The following PTPRG variants were observed in gnomAD, a reference collection of about 807,000 sequenced individuals.
PTPRG encodes protein tyrosine phosphatase receptor type G, also known as receptor-type tyrosine-protein phosphatase gamma.
In PTPRG, 102 loss-of-function variants were observed where a neutral mutation model predicts 165.3. That is an observed-to-expected ratio of 0.62 (90% CI 0.53 to 0.73). The LOEUF (loss-of-function observed/expected upper bound fraction) is 0.73, where lower values mean the gene tolerates loss of function less well. Among genes scored for constraint, PTPRG ranks in the 30% least tolerant of loss-of-function variants. The pLI is 0.00. For missense variants in PTPRG, 1,866 were observed against 1,861.4 expected (o/e 1.00, Z -0.05); for synonymous variants, 675 against 669.5 (o/e 1.01, Z -0.13).
chr3:61,589,110 T>A (rs569120298), intron 1 of PTPRG, among the ~76,000 whole-genome samples: 1 of 151,376 alleles, frequency 6.6e-6, no homozygotes, highest in East Asian at 1.9e-4. Context: ...AAAAATAATA[T>A]TATTTTGAGA....
At chr3:61,938,790 A>G (rs766020330) in intron 2 of PTPRG, among the ~76,000 whole-genome samples, 19 of 152,218 alleles carry the variant, frequency 1.2e-4, no homozygotes, top group Non-Finnish European at 2.5e-4. Flanking sequence ...GGAGAAATTA[A>G]CAGGTACATC....
intron 2 of PTPRG, among the ~76,000 whole-genome samples, chr3:61,776,518 C>G (rs979610532): frequency 1.3e-5 from 2 of 152,060 alleles, no homozygotes; most frequent in African/African-American, 4.8e-5. Flanking sequence ...GACCAGTTCC[C>G]CAGCCTCAGA....
At chr3:61,678,342 G>A (rs1045564976) in intron 1 of PTPRG, among the ~76,000 whole-genome samples, 1 of 152,206 alleles carries the variant, frequency 6.6e-6, no homozygotes, top group Non-Finnish European at 1.5e-5. Flanking sequence ...GTCCAGGGAA[G>A]AAATAGTCAA....
intron 2 of PTPRG, among the ~76,000 whole-genome samples, chr3:61,963,044 C>T (rs2040190189): frequency 6.6e-6 from 1 of 152,058 alleles, no homozygotes; most frequent in South Asian, 2.1e-4. Flanking sequence ...CCACAGGTAA[C>T]CATATTTATT....
rs939567967 is a variant in PTPRG at position 61,671,946 on chromosome 3, G to T, written c.86-76932G>T. Among the ~76,000 whole-genome samples the T allele has an allele frequency of 2.9e-5, 4 of 138,250 alleles. No homozygotes were observed. The East Asian group carries it at 6.8e-4, about 23-fold the overall frequency. 90.7% of individuals were successfully genotyped at this position (138,250 alleles called of 152,430 possible). A position where few individuals can be genotyped will look rare whatever the true frequency, so the allele number is the denominator to read the frequency against. On this transcript the variant is annotated intron_variant, in intron 1 of 29. Coordinates refer to ENST00000474889, the MANE Select transcript of PTPRG (RefSeq NM_002841.4). ...GACGAGGTGGCTGCTGGGCGGAGAT[G>T]CTCCTCACTTCCCAGACGGGGTGGC...
At chr3:62,274,828 C>T (rs746182157) in intron 23 of PTPRG, among the ~76,000 whole-genome samples, 6 of 152,148 alleles carry the variant, frequency 3.9e-5, no homozygotes, top group Non-Finnish European at 8.8e-5. Flanking sequence ...CACAGTGTAT[C>T]ATTTTAAATG....
intron 5 of PTPRG, among the ~76,000 whole-genome samples, chr3:62,119,615 T>C (rs1156986397): frequency 2.0e-5 from 3 of 151,452 alleles, no homozygotes; most frequent in Admixed American, 2.0e-4. Context: ...TTTTTTTTAA[T>C]TTTTTTATTT....
intron 1 of PTPRG, among the ~76,000 whole-genome samples, chr3:61,676,109 G>T (rs1377771668): frequency 6.6e-6 from 1 of 152,030 alleles, no homozygotes; most frequent in Non-Finnish European, 1.5e-5. Context: ...GAAGATACTG[G>T]CTAGTATTTC....
At chr3:62,049,006 G>A (rs958698436) in intron 4 of PTPRG, among the ~76,000 whole-genome samples, 25 of 151,966 alleles carry the variant, frequency 1.6e-4, no homozygotes, top group African/African-American at 5.1e-4. Flanking sequence ...AATATTTTGC[G>A]AATGGAGTCA....
chr3:61,983,970 T>C (rs2040699213), intron 2 of PTPRG, among the ~76,000 whole-genome samples: 1 of 152,208 alleles, frequency 6.6e-6, no homozygotes, highest in South Asian at 2.1e-4. Context: ...TTCTTTGGGC[T>C]AACTCTGCCT....
intron 4 of PTPRG, among the ~76,000 whole-genome samples, chr3:62,027,206 A>G (rs1220559335): frequency 6.6e-6 from 1 of 152,198 alleles, no homozygotes; most frequent in African/African-American, 2.4e-5. Context: ...CAAATGATTT[A>G]AAAATCACTA....
chr3:62,208,573 C>T (rs1700284464), intron 12 of PTPRG, among the ~76,000 whole-genome samples: 1 of 152,090 alleles, frequency 6.6e-6, no homozygotes. Flanking sequence ...GTCGGCATAC[C>T]ACAGCCCGCA....
chr3:61,781,899 T>TTG (rs1163872914), intron 2 of PTPRG, among the ~76,000 whole-genome samples: 2 of 150,350 alleles, frequency 1.3e-5, no homozygotes, highest in African/African-American at 4.9e-5. Context: ...AGTTTTTTTT[T>TTG]TTTTTTTTTA....
intron 8 of PTPRG, among the ~76,000 whole-genome samples, chr3:62,169,203 A>G (rs548612911): frequency 2.6e-5 from 4 of 152,190 alleles, no homozygotes; most frequent in African/African-American, 9.6e-5. Context: ...AGGGTCTCCA[A>G]ATTTGAGGGT....
chr3:61,645,886 C>T (rs766703196), intron 1 of PTPRG, among the ~76,000 whole-genome samples: 22 of 152,200 alleles, frequency 1.4e-4, no homozygotes, highest in Non-Finnish European at 1.0e-4. Context: ...CTACCCAAAA[C>T]TTTCAGTAAA....
At chr3:61,921,359 A>G (rs1022647273) in intron 2 of PTPRG, among the ~76,000 whole-genome samples, 2 of 152,196 alleles carry the variant, frequency 1.3e-5, no homozygotes, top group African/African-American at 4.8e-5. Context: ...GAGATGGAAA[A>G]TAGCATGCTA....
chr3:61,912,710 A>C (rs2038833547), intron 2 of PTPRG, among the ~76,000 whole-genome samples: 1 of 152,080 alleles, frequency 6.6e-6, no homozygotes, highest in Non-Finnish European at 1.5e-5. Flanking sequence ...AAGATTTGGG[A>C]GGTTGGCATT....
At chr3:61,778,332 A>G (rs575977292) in intron 2 of PTPRG, among the ~76,000 whole-genome samples, 10 of 152,216 alleles carry the variant, frequency 6.6e-5, no homozygotes, top group African/African-American at 1.9e-4. Context: ...CGCCATGTAA[A>G]TGAAGTAGTG....
At chr3:62,079,611 T>C (rs1478393307) in intron 5 of PTPRG, among the ~76,000 whole-genome samples, 1 of 152,206 alleles carries the variant, frequency 6.6e-6, no homozygotes, top group East Asian at 1.9e-4. Context: ...ATTTTGGAAG[T>C]TGTCTGTTTA....
Sources: gnomAD v4.1 joint callset for allele counts (sites outside exome capture counted in the v4.1 genomes callset) on GRCh38, gnomAD v4.1.1 for gene constraint, MANE v1.5 for transcripts, NCBI Gene and HGNC (gene_info 2026-07-23, HGNC 2026-07-21) for gene names.